Variants in COLGALT2 observed in about 807,000 individuals in gnomAD.
COLGALT2 encodes the protein collagen beta(1-O)galactosyltransferase 2, also known as procollagen galactosyltransferase 2.
Under a neutral mutation model 73.4 loss-of-function variants are expected in COLGALT2, and 49 were observed. That is an observed-to-expected ratio of 0.67 (90% CI 0.53 to 0.85). COLGALT2 has a LOEUF of 0.85. Ranked by LOEUF, COLGALT2 falls within the 40% of genes least tolerant of loss-of-function variation. COLGALT2 has a pLI of 0.00. For synonymous variants in COLGALT2, 295 were observed against 307.6 expected (o/e 0.96, Z 0.43); for missense variants, 722 against 790.2 (o/e 0.91, Z 1.03).
chr1:184,002,572 A>T (rs1416646534), intron 1 of COLGALT2, among the ~76,000 whole-genome samples: 1 of 152,260 alleles, frequency 6.6e-6, no homozygotes, highest in African/African-American at 2.4e-5. Context: ...TACACAATTC[A>T]GATACCACAA....
At chr1:184,005,512 C>T (rs948617822) in intron 1 of COLGALT2, among the ~76,000 whole-genome samples, 7 of 152,182 alleles carry the variant, frequency 4.6e-5, no homozygotes, top group African/African-American at 1.4e-4. Context: ...GGGATCTAGC[C>T]TAGGTATCAA....
In COLGALT2 at chr1:183,936,521, C is replaced by G; in HGVS notation, c.*2240G>C. ...TCTGTCAGACCAGCTGACAGGGGAA[C>G]AGGAAAAAAAAAATTCTCTATTAAA... On this transcript the variant is annotated 3_prime_UTR_variant, in exon 12 of 12. Transcript: ENST00000361927. The G allele has an allele frequency of 1.9e-6, 2 of 1,030,236 alleles. No individual in the cohort carries two copies. Among genetic ancestry groups the G allele is most frequent in the East Asian group, 1.6e-4 (2 of 12,428 alleles). 63.8% of individuals were successfully genotyped at this position (1,030,236 alleles called of 1,614,324 possible). A position where few individuals can be genotyped will look rare whatever the true frequency, so the allele number is the denominator to read the frequency against.
In COLGALT2 at chr1:183,938,754, G is replaced by A; in HGVS notation, c.*7C>T. On this transcript the variant is annotated 3_prime_UTR_variant, in exon 12 of 12. Coordinates refer to ENST00000361927, the MANE Select transcript of COLGALT2 (RefSeq NM_015101.4). ...GAACTGATGTGGGCCACACTCCCAG[G>A]GAGCCTTCATAGCTCATCCCTTGAA... The A allele has an allele frequency of 6.2e-7, 1 of 1,613,774 alleles. No individual in the cohort carries two copies.
chr1:184,022,517 T>C (rs1480438772), intron 1 of COLGALT2, among the ~76,000 whole-genome samples: 1 of 152,152 alleles, frequency 6.6e-6, no homozygotes, highest in Non-Finnish European at 1.5e-5. Flanking sequence ...CTAAATTCAC[T>C]CCAAAAAATC....
chr1:183,984,329 C>T (rs777770799), intron 1 of COLGALT2, among the ~76,000 whole-genome samples: 5 of 152,174 alleles, frequency 3.3e-5, no homozygotes, highest in South Asian at 4.1e-4. Context: ...TGCTTGTACC[C>T]GGGAGGCGGA....
chr1:183,979,152 C>T (rs934595904), intron 1 of COLGALT2, among the ~76,000 whole-genome samples: 5 of 152,160 alleles, frequency 3.3e-5, no homozygotes, highest in African/African-American at 7.2e-5. Context: ...GTACACAAAA[C>T]TTGTGCCTGT....
chr1:183,964,198 C>A, intron 5 of COLGALT2, 178 bp from the exon 6 acceptor site: 1 of 535,804 alleles, frequency 1.9e-6, no homozygotes. Context: ...AAGTAAAACA[C>A]AGCATTGGGG....
chr1:183,937,657 C>T lies in COLGALT2; in HGVS notation c.*1104G>A, dbSNP rs554001290. On this transcript the variant is annotated 3_prime_UTR_variant, in exon 12 of 12. Transcript: ENST00000361927. ...GGGAAATTCAGGAGAATCAGATTGC[C>T]GAACCAATGTGTCCACACCCACCAC... 8 of 985,392 alleles carry T rather than the reference C, an allele frequency of 8.1e-6. No homozygotes were observed. The highest frequency in any genetic ancestry group is 6.1e-5 in the Admixed American group (1 of 16,278). 61.0% of individuals were successfully genotyped at this position (985,392 alleles called of 1,614,324 possible).
chr1:183,937,744 C>T lies in COLGALT2; in HGVS notation c.*1017G>A. ...CTCTGCCTTATCCTAAAGACAATATCTTCGCCCATTTTGTAAAATAAATAA... is the reference window on the plus strand; with the variant it reads ...CTCTGCCTTATCCTAAAGACAATATTTTCGCCCATTTTGTAAAATAAATAA... On this transcript the variant is annotated 3_prime_UTR_variant, in exon 12 of 12. Transcript: ENST00000361927. 1.0e-6 allele frequency: 1 copy of T among 985,352 alleles called. No individual in the cohort carries two copies. The highest frequency in any genetic ancestry group is 1.2e-6 in the Non-Finnish European group (1 of 829,898). 61.0% of individuals were successfully genotyped at this position (985,352 alleles called of 1,614,324 possible). A position where few individuals can be genotyped will look rare whatever the true frequency, so the allele number is the denominator to read the frequency against.
intron 7 of COLGALT2, 121 bp from the exon 8 acceptor site, chr1:183,951,234 C>T (rs895850548): frequency 7.1e-5 from 49 of 689,720 alleles, no homozygotes; most frequent in Admixed American, 6.8e-4. Flanking sequence ...GAAGAACTGT[C>T]GTGAAAATTC....
chr1:184,011,276 G>C (rs2102847285), intron 1 of COLGALT2, among the ~76,000 whole-genome samples: 1 of 152,246 alleles, frequency 6.6e-6, no homozygotes, highest in African/African-American at 2.4e-5. Flanking sequence ...GTTTGCTTTG[G>C]GAGCCGATTT....
rs35937944 is a variant in COLGALT2 at position 183,969,466 on chromosome 1, T to A, written c.635A>T (p.Tyr212Phe). 2 of 1,608,650 alleles carry A rather than the reference T, an allele frequency of 1.2e-6. No individual in the cohort carries two copies. Residue 212 changes from tyrosine to phenylalanine, a missense_variant, in exon 5 of 12, where the codon TAT becomes TTT. Coordinates refer to ENST00000361927, the MANE Select transcript of COLGALT2 (RefSeq NM_015101.4). The stretch of plus-strand genomic sequence containing the variant: ...CTGAACGTAGTCTGGGGTCCTCTTA[T>A]AGAAGCCCTGTAAAAGAGCAAATAG... ...FWCGITPKGF[Y>F]KRTPDYVQIR...
At chr1:183,994,902 C>G (rs185758967) in intron 1 of COLGALT2, among the ~76,000 whole-genome samples, 70 of 152,064 alleles carry the variant, frequency 4.6e-4, no homozygotes, top group African/African-American at 1.7e-3. Flanking sequence ...GAAAATAAAG[C>G]CAAATGTATT....
chr1:183,994,878 A>AT (rs1361939162), intron 1 of COLGALT2, among the ~76,000 whole-genome samples: 1 of 152,238 alleles, frequency 6.6e-6, no homozygotes, highest in African/African-American at 2.4e-5. Flanking sequence ...ATCTAGTCAG[A>AT]TTTTTTAAAA....
At chr1:183,960,117 A>G (rs1670658258) in intron 6 of COLGALT2, among the ~76,000 whole-genome samples, 1 of 152,204 alleles carries the variant, frequency 6.6e-6, no homozygotes, top group Non-Finnish European at 1.5e-5. Context: ...TGTTGAATAA[A>G]TCCTTACAGC....
chr1:184,011,167 C>T (rs1465129668), intron 1 of COLGALT2, among the ~76,000 whole-genome samples: 1 of 152,168 alleles, frequency 6.6e-6, no homozygotes, highest in African/African-American at 2.4e-5. Flanking sequence ...TCCACATTTC[C>T]TCTTTCTCCT....
chr1:184,014,286 A>G (rs909384832), intron 1 of COLGALT2, among the ~76,000 whole-genome samples: 2 of 152,344 alleles, frequency 1.3e-5, no homozygotes, highest in Admixed American at 6.5e-5. Context: ...GCAAGGTAAG[A>G]AGAAAATTAG....
At chr1:184,019,039 A>G (rs530082262) in intron 1 of COLGALT2, among the ~76,000 whole-genome samples, 1 of 152,186 alleles carries the variant, frequency 6.6e-6, no homozygotes, top group Non-Finnish European at 1.5e-5. Flanking sequence ...GACCTTTCTC[A>G]TGGTCCCTAA....
At chr1:183,933,846 G>A (rs1281296081), downstream of COLGALT2, among the ~76,000 whole-genome samples, 1 of 152,146 alleles carries the variant, frequency 6.6e-6, no homozygotes, top group Admixed American at 6.5e-5. Flanking sequence ...GAATTACAGG[G>A]ACGGGCATAA....
Sources: allele counts gnomAD v4.1 joint callset (sites outside exome capture counted in the v4.1 genomes callset), GRCh38; gene constraint gnomAD v4.1.1; transcripts MANE v1.5; gene names NCBI Gene and HGNC (gene_info 2026-07-23, HGNC 2026-07-21).